The following OR2AG2 variants were observed in gnomAD, a reference collection of about 807,000 sequenced individuals.
OR2AG2 encodes olfactory receptor 2AG2.
For synonymous variants in OR2AG2, 167 were observed against 157.1 expected (o/e 1.06, Z -0.47); for missense variants, 390 against 391.9 (o/e 1.00, Z 0.04).
intron 1 of OR2AG2, among the ~76,000 whole-genome samples, chr11:6,769,759 A>T (rs1249948502): frequency 1.3e-5 from 2 of 152,176 alleles, no homozygotes; most frequent in Non-Finnish European, 2.9e-5. Context: ...GAGCCACAGC[A>T]ACACACACAA....
Position 6,766,188 on chromosome 11 carries a change from C to T in OR2AG2, c.*1819G>A, listed in dbSNP as rs150293637. Reference sequence around the variant, plus strand: ...TAAATATCACCACTTTTAACATCAGCAGACTAAGGTACAAAGAGTTTAATT... The same window carrying T: ...TAAATATCACCACTTTTAACATCAGTAGACTAAGGTACAAAGAGTTTAATT... On this transcript the variant is annotated 3_prime_UTR_variant, in exon 2 of 2. Coordinates refer to ENST00000641124, the MANE Select transcript of OR2AG2 (RefSeq NM_001004490.2). 1 of 152,244 alleles carries T rather than the reference C, an allele frequency of 6.6e-6. No homozygotes were observed. The highest frequency in any genetic ancestry group is 1.9e-4 in the East Asian group (1 of 5,176). The allele number at this position is 152,244 out of a possible 1,614,324, so 9.4% of individuals were successfully genotyped here.
Position 6,769,088 on chromosome 11 carries a change from T to C in OR2AG2, c.-131A>G. The C allele has an allele frequency of 1.7e-6, 1 of 603,776 alleles. No individual in the cohort carries two copies. The allele number at this position is 603,776 out of a possible 1,614,324, so 37.4% of individuals were successfully genotyped here. A position where few individuals can be genotyped will look rare whatever the true frequency, so the allele number is the denominator to read the frequency against. The stretch of plus-strand genomic sequence containing the variant: ...ATAGGAATCCCATAATATGATATAT[T>C]TTCCATTTCTTAGTATGCCTCTGAT... On this transcript the variant is annotated 5_prime_UTR_variant, in exon 2 of 2. Coordinates refer to ENST00000641124, the MANE Select transcript of OR2AG2 (RefSeq NM_001004490.2).
At chr11:6,770,385 T>C (rs138872860) in intron 1 of OR2AG2, among the ~76,000 whole-genome samples, 3 of 151,272 alleles carry the variant, frequency 2.0e-5, no homozygotes, top group African/African-American at 4.9e-5. Context: ...TAAATCAAAA[T>C]GGGTCAGGAT....
At position 6,765,775 on chromosome 11, in the gene OR2AG2, G is replaced by C. The variant is rs1277326252; in HGVS notation, c.*2232C>G. 1 of 152,040 alleles carries C rather than the reference G, an allele frequency of 6.6e-6. No homozygotes were observed. The highest frequency in any genetic ancestry group is 1.5e-5 in the Non-Finnish European group (1 of 67,964). 9.4% of individuals were successfully genotyped at this position (152,040 alleles called of 1,614,324 possible). ...GAATAAGTTCAAGAGATTTATTGTA[G>C]ATCATGGCAATTATAGTTAATCAGA... On this transcript the variant is annotated 3_prime_UTR_variant, in exon 2 of 2. Coordinates refer to ENST00000641124, the MANE Select transcript of OR2AG2 (RefSeq NM_001004490.2).
At position 6,768,043 on chromosome 11, in the gene OR2AG2, C is replaced by G. The variant is rs1847394962; in HGVS notation, c.915G>C (p.Leu305=). Residue 305 remains leucine, a synonymous_variant, in exon 2 of 2, where the codon CTG becomes CTC. Transcript: ENST00000641124. ...KEVMRALRRV[L]GKYILLAHST... Reference sequence around the variant, plus strand: ...AATGTGCCAGCAGTATGTATTTTCCCAGGACCCTCCTCAAGGCCCGCATGA... The same window carrying G: ...AATGTGCCAGCAGTATGTATTTTCCGAGGACCCTCCTCAAGGCCCGCATGA... 1.2e-6 allele frequency: 2 copies of G among 1,613,770 alleles called. No homozygotes were observed. The highest frequency in any genetic ancestry group is 1.7e-6 in the Non-Finnish European group (2 of 1,179,932).
rs560047072 is a variant in OR2AG2 at position 6,769,028 on chromosome 11, G to A, written c.-71C>T. ...AGCTTTTCTAAAGGTGTTCACTCTAGCTTTGGATTGTTCTAGGTCACTGTG... is the reference window on the plus strand; with the variant it reads ...AGCTTTTCTAAAGGTGTTCACTCTAACTTTGGATTGTTCTAGGTCACTGTG... On this transcript the variant is annotated 5_prime_UTR_variant, in exon 2 of 2. Transcript: ENST00000641124. The A allele has an allele frequency of 7.2e-6, 8 of 1,110,082 alleles. No individual in the cohort carries two copies. In the East Asian group the frequency reaches 1.7e-4, roughly 24 times the overall value. 68.8% of individuals were successfully genotyped at this position (1,110,082 alleles called of 1,614,324 possible). A position where few individuals can be genotyped will look rare whatever the true frequency, so the allele number is the denominator to read the frequency against.
At chr11:6,770,388 G>C (rs1346467850) in intron 1 of OR2AG2, among the ~76,000 whole-genome samples, 8 of 151,878 alleles carry the variant, frequency 5.3e-5, no homozygotes, top group African/African-American at 1.9e-4. Context: ...ATCAAAATGG[G>C]TCAGGATATA....
rs761118518 is a variant in OR2AG2, at chr11:6,768,036, A to AT, written c.921dup (p.Tyr308IlefsTer50). The AT allele has an allele frequency of 8.7e-6, 14 of 1,613,606 alleles. No homozygotes were observed. The African/African-American group carries it at 1.9e-4, about 22-fold the overall frequency. On this transcript the variant is annotated frameshift_variant, in exon 2 of 2. Coordinates refer to ENST00000641124, the MANE Select transcript of OR2AG2 (RefSeq NM_001004490.2). LOFTEE classifies it low-confidence loss of function (END_TRUNC). ...AGCGTGGAATGTGCCAGCAGTATGT[A>AT]TTTTCCCAGGACCCTCCTCAAGGCC... is the stretch of plus-strand genomic sequence containing the variant.
chr11:6,769,252 A>G lies in OR2AG2; in HGVS notation c.-295T>C. ...AGCCCAAGCAAACATCTTTGTAGAT[A>G]GATGAAAGCATCTCTTTCTTCACAA... On this transcript the variant is annotated 5_prime_UTR_variant, in exon 2 of 2. Coordinates refer to ENST00000641124, the MANE Select transcript of OR2AG2 (RefSeq NM_001004490.2). The G allele has an allele frequency of 3.3e-6, 1 of 302,346 alleles. No individual in the cohort carries two copies. Among genetic ancestry groups the G allele is most frequent in the Non-Finnish European group, 6.1e-6 (1 of 163,736 alleles). 18.7% of individuals were successfully genotyped at this position (302,346 alleles called of 1,614,324 possible).
rs1847369301 is a variant in OR2AG2, at chr11:6,765,886, T to C, written c.*2121A>G. The stretch of plus-strand genomic sequence containing the variant: ...AGATAAGTATGTGGAGTAAAGCATA[T>C]GTTAGTTGGCTTGATTTAGCAATTC... On this transcript the variant is annotated 3_prime_UTR_variant, in exon 2 of 2. Coordinates refer to ENST00000641124, the MANE Select transcript of OR2AG2 (RefSeq NM_001004490.2). 2 of 152,160 alleles carry C rather than the reference T, an allele frequency of 1.3e-5. No individual in the cohort carries two copies. Among genetic ancestry groups the C allele is most frequent in the African/African-American group, 4.8e-5 (2 of 41,464 alleles). The allele number at this position is 152,160 out of a possible 1,614,324, so 9.4% of individuals were successfully genotyped here.
chr11:6,769,927 T>A (rs1228195886), intron 1 of OR2AG2, among the ~76,000 whole-genome samples: 7 of 152,310 alleles, frequency 4.6e-5, no homozygotes, highest in Non-Finnish European at 7.4e-5. Flanking sequence ...GCTCGCTTTT[T>A]GTGAATGCAG....
At position 6,767,862 on chromosome 11, in the gene OR2AG2, A is replaced by G; in HGVS notation, c.*145T>C. ...CACACCAGATTCACAGTTGAAAATA[A>G]AAGTAAAATTTAAAAAATGTATCTA... On this transcript the variant is annotated 3_prime_UTR_variant, in exon 2 of 2. Transcript: ENST00000641124. 1 of 700,286 alleles carries G rather than the reference A, an allele frequency of 1.4e-6. No homozygotes were observed. The allele number at this position is 700,286 out of a possible 1,614,324, so 43.4% of individuals were successfully genotyped here.
chr11:6,767,784 T>A lies in OR2AG2; in HGVS notation c.*223A>T, dbSNP rs1847391293. The A allele has an allele frequency of 7.9e-6, 4 of 509,194 alleles. No homozygotes were observed. Among genetic ancestry groups the A allele is most frequent in the Admixed American group, 3.5e-5 (1 of 28,226 alleles). The allele number at this position is 509,194 out of a possible 1,614,324, so 31.5% of individuals were successfully genotyped here. ...CATCTGGTTATTTTTATAACATGGG[T>A]TTCCAAAGTCAGGATGATGTGTGCC... On this transcript the variant is annotated 3_prime_UTR_variant, in exon 2 of 2. Coordinates refer to ENST00000641124, the MANE Select transcript of OR2AG2 (RefSeq NM_001004490.2).
rs1016013924 is a variant in OR2AG2 at position 6,766,127 on chromosome 11, T to C, written c.*1880A>G. ...TCAGTACCTGATATTAATTATCTTA[T>C]TTAATCTACCCAACAATATCACAAG... On this transcript the variant is annotated 3_prime_UTR_variant, in exon 2 of 2. Coordinates refer to ENST00000641124, the MANE Select transcript of OR2AG2 (RefSeq NM_001004490.2). The C allele has an allele frequency of 1.3e-5, 2 of 152,196 alleles. No homozygotes were observed. Among genetic ancestry groups the C allele is most frequent in the African/African-American group, 4.8e-5 (2 of 41,458 alleles). The allele number at this position is 152,196 out of a possible 1,614,324, so 9.4% of individuals were successfully genotyped here. A position where few individuals can be genotyped will look rare whatever the true frequency, so the allele number is the denominator to read the frequency against.
chr11:6,769,073 C>G lies in OR2AG2; in HGVS notation c.-116G>C. On this transcript the variant is annotated 5_prime_UTR_variant, in exon 2 of 2. An upstream start codon of the reference 5' UTR is lost. Transcript: ENST00000641124. ...ACTGTGCATTGGCCAATAGGAATCC[C>G]ATAATATGATATATTTTCCATTTCT... 1.6e-6 allele frequency: 1 copy of G among 641,430 alleles called. No homozygotes were observed. Among genetic ancestry groups the G allele is most frequent in the Non-Finnish European group, 2.6e-6 (1 of 378,896 alleles). 39.7% of individuals were successfully genotyped at this position (641,430 alleles called of 1,614,324 possible).
At chr11:6,770,374 C>T (rs1847435841) in intron 1 of OR2AG2, among the ~76,000 whole-genome samples, 1 of 151,382 alleles carries the variant, frequency 6.6e-6, no homozygotes. Context: ...TAGGAGGTGG[C>T]TAAATCAAAA....
chr11:6,770,347 T>C (rs1480562789), intron 1 of OR2AG2, among the ~76,000 whole-genome samples: 1 of 151,478 alleles, frequency 6.6e-6, no homozygotes, highest in Non-Finnish European at 1.5e-5. Context: ...GTATACAGAC[T>C]AAAGGCTGAG....
Position 6,768,222 on chromosome 11 carries a change from T to G in OR2AG2, c.736A>C (p.Ile246Leu). 2 of 1,614,088 alleles carry G rather than the reference T, an allele frequency of 1.2e-6. No individual in the cohort carries two copies. The highest frequency in any genetic ancestry group is 1.7e-6 in the Non-Finnish European group (2 of 1,180,010). ...KALVTCSSHL[I>L]VVGMFYGAAT... ...GCTCCATAGAACATCCCGACCACAA[T>G]CAGGTGGGAAGAGCAGGTGACAAGG... The change falls in exon 2 of 2, where the codon ATT (isoleucine) becomes CTT (leucine). Residue 246 changes from isoleucine to leucine, a missense_variant. Ile to Leu is a conservative substitution (Grantham distance 5, BLOSUM62 2). Transcript: ENST00000641124.
chr11:6,768,748 G>T lies in OR2AG2; in HGVS notation c.210C>A (p.Asp70Glu). The change falls in exon 2 of 2, where the codon GAC (aspartate) becomes GAA (glutamate). Residue 70 changes from aspartate to glutamate, a missense_variant. Physicochemically the swap from Asp to Glu is conservative, Grantham distance 45. Transcript: ENST00000641124. The part of the protein sequence containing the change: ...YLLLGQLSLM[D>E]LLFTSVVTPK... Reference sequence around the variant, plus strand: ...GAGTGACAACAGATGTGAACAGGAGGTCCATGAGAGAGAGCTGCCCAAGCA... The same window carrying T: ...GAGTGACAACAGATGTGAACAGGAGTTCCATGAGAGAGAGCTGCCCAAGCA... 6.2e-7 allele frequency: 1 copy of T among 1,614,166 alleles called. No homozygotes were observed. The highest frequency in any genetic ancestry group is 8.5e-7 in the Non-Finnish European group (1 of 1,180,034).
Sources: gnomAD v4.1 joint callset for allele counts (sites outside exome capture counted in the v4.1 genomes callset) on GRCh38, gnomAD v4.1.1 for gene constraint, MANE v1.5 for transcripts, NCBI Gene and HGNC (gene_info 2026-07-23, HGNC 2026-07-21) for gene names.